SLC38A10: variants seen among roughly 807,000 people sequenced by gnomAD.
SLC38A10 encodes the protein solute carrier family 38 member 10.
In SLC38A10, 53 loss-of-function variants were observed where a neutral mutation model predicts 81.0. That is an observed-to-expected ratio of 0.65 (90% confidence interval 0.53 to 0.82). The LOEUF (loss-of-function observed/expected upper bound fraction) is 0.82, where lower values mean the gene tolerates loss of function less well. SLC38A10 is among the 40% of genes least tolerant of loss of function. The pLI is 0.00. For missense variants in SLC38A10, 1,471 were observed against 1,545.0 expected (o/e 0.95, Z 0.80); for synonymous variants, 665 against 655.3 (o/e 1.01, Z -0.23).
chr17:81,247,320 C>A (rs1256187162), intron 14 of SLC38A10: 2 of 365,754 alleles, frequency 5.5e-6, no homozygotes, highest in East Asian at 4.2e-5. Context: ...TCCCGCACAG[C>A]CAGCCACTGT....
chr17:81,284,698 G>T, intron 3 of SLC38A10, 152 bp downstream of exon 3: 1 of 578,844 alleles, frequency 1.7e-6, no homozygotes. Context: ...ACACTGAAGG[G>T]TACAAGTAAT....
chr17:81,248,825 AAGGAGATCAGGGC>A (rs563800029), intron 14 of SLC38A10, among the ~76,000 whole-genome samples: 1 of 152,260 alleles, frequency 6.6e-6, no homozygotes, highest in Non-Finnish European at 1.5e-5. Flanking sequence ...GGCTGGCTCC[AAGGAGATCAGGGC>A]CATGGGGCCG....
chr17:81,264,876 G>A (rs1211141244), intron 10 of SLC38A10: 1 of 152,182 alleles, frequency 6.6e-6, no homozygotes, highest in Non-Finnish European at 1.5e-5. Flanking sequence ...CCAAGAGCAG[G>A]GGCCAGCTTT....
intron 10 of SLC38A10, chr17:81,264,677 G>A (rs2063054685): frequency 6.6e-6 from 1 of 152,208 alleles, no homozygotes; most frequent in Non-Finnish European, 1.5e-5. Flanking sequence ...AGCACAGCTG[G>A]AGGTGGGGGC....
chr17:81,246,546 G>A lies in SLC38A10; in HGVS notation c.2370C>T (p.Gly790=), dbSNP rs1555625050. Reference sequence around the variant, plus strand: ...TAAGGTCCTGGGATGGAGCAGGGCGGCCCCCAGGAGCTCTGAGGACAGGGT... The same window carrying A: ...TAAGGTCCTGGGATGGAGCAGGGCGACCCCCAGGAGCTCTGAGGACAGGGT... ...PLDPVLRAPG[G]RPAPSQDLNQ... is the part of the protein sequence containing the mutation. The change falls in exon 16 of 16, where the codon GGC becomes GGT. Residue 790 remains glycine (G), a synonymous_variant. Transcript: ENST00000374759. The A allele has an allele frequency of 2.6e-6, 4 of 1,516,024 alleles. No individual in the cohort carries two copies. Among genetic ancestry groups the A allele is most frequent in the Non-Finnish European group, 3.5e-6 (4 of 1,133,906 alleles). The allele number at this position is 1,516,024 out of a possible 1,614,324, so 93.9% of individuals were successfully genotyped here. A position where few individuals can be genotyped will look rare whatever the true frequency, so the allele number is the denominator to read the frequency against.
In SLC38A10 at chr17:81,277,196, A is replaced by C; in HGVS notation, c.627-63T>G. The C allele has an allele frequency of 7.0e-7, 1 of 1,430,514 alleles. No individual in the cohort carries two copies. The highest frequency in any genetic ancestry group is 9.8e-7 in the Non-Finnish European group (1 of 1,019,614). 88.6% of individuals were successfully genotyped at this position (1,430,514 alleles called of 1,614,324 possible). On this transcript the variant is annotated intron_variant, in intron 6 of 15. Transcript: ENST00000374759. This position sits in a 1 kb window ranked among gnomAD's most constrained non-coding sequence, Gnocchi z 4.5. ...GAGGCACGCCCTCCCCAGCGGCTCC[A>C]CTTCTAGGACCTCTCTGCAGCCCAG...
Position 81,270,934 on chromosome 17 carries a change from T to A in SLC38A10, c.1115A>T (p.Asn372Ile). ...PALIYKKIHKNALSSQVVLWV... is the reference protein window; with the variant it reads ...PALIYKKIHKIALSSQVVLWV... ...AGCACGCACCTGGGAGGAAAGTGCGTTCTTGTGGATTTTCTTGTAGATCAG... is the reference window on the plus strand; with the variant it reads ...AGCACGCACCTGGGAGGAAAGTGCGATCTTGTGGATTTTCTTGTAGATCAG... Residue 372 changes from asparagine to isoleucine, a missense_variant, in exon 10 of 16, where the codon AAC becomes ATC. Physicochemically the swap from Asn to Ile is moderately radical, Grantham distance 149. Coordinates refer to ENST00000374759, the MANE Select transcript of SLC38A10 (RefSeq NM_001037984.3). The surrounding 1 kb of genome is among the most constrained non-coding windows in gnomAD (Gnocchi z 4.0). 4 of 1,613,816 alleles carry A rather than the reference T, an allele frequency of 2.5e-6. No homozygotes were observed. Among genetic ancestry groups the A allele is most frequent in the Non-Finnish European group, 3.4e-6 (4 of 1,179,944 alleles).
At chr17:81,258,264 C>T (rs2062990462) in intron 11 of SLC38A10, among the ~76,000 whole-genome samples, 1 of 152,190 alleles carries the variant, frequency 6.6e-6, no homozygotes, top group South Asian at 2.1e-4. Context: ...GGTGCAGGAC[C>T]CTCGACCCCA....
chr17:81,260,747 A>C (rs2063015335), intron 10 of SLC38A10, among the ~76,000 whole-genome samples: 1 of 152,194 alleles, frequency 6.6e-6, no homozygotes, highest in African/African-American at 2.4e-5. Context: ...TATGCCAGCC[A>C]TTCAGGACGG....
chr17:81,246,594 C>T lies in SLC38A10; in HGVS notation c.2322G>A (p.Glu774=). The change falls in exon 16 of 16, where the codon GAG becomes GAA. Residue 774 remains glutamate, a synonymous_variant. Coordinates refer to ENST00000374759, the MANE Select transcript of SLC38A10 (RefSeq NM_001037984.3). ...APEGKARETV[E]NLPPLPLDPV... is the part of the protein sequence containing the mutation. ...GGTCCAAAGGCAGGGGAGGCAGATT[C>T]TCCACCGTCTCCCTGGCCTTGCCTT... 6.6e-7 allele frequency: 1 copy of T among 1,516,812 alleles called. No individual in the cohort carries two copies. The allele number at this position is 1,516,812 out of a possible 1,614,324, so 94.0% of individuals were successfully genotyped here. A position where few individuals can be genotyped will look rare whatever the true frequency, so the allele number is the denominator to read the frequency against.
rs562127021 is a variant in SLC38A10, at chr17:81,288,323, G to C, written c.217+1368C>G. Among the ~76,000 whole-genome samples, 24 of 152,314 alleles carry C rather than the reference G, an allele frequency of 1.6e-4. 1 individual carries two copies. Among genetic ancestry groups the C allele is most frequent in the Middle Eastern group, 3.4e-3 (1 of 294 alleles). ...ACTCTGCCGCGGGAGCTGTGAGCCC[G>C]GGGGGCAGGATGGCCTTCTGCAGGG... On this transcript the variant is annotated intron_variant, in intron 2 of 15. Coordinates refer to ENST00000374759, the MANE Select transcript of SLC38A10 (RefSeq NM_001037984.3). This position sits in a 1 kb window ranked among gnomAD's most constrained non-coding sequence, Gnocchi z 5.4.
At chr17:81,255,748 C>A (rs1471749805) in intron 11 of SLC38A10, among the ~76,000 whole-genome samples, 1 of 152,218 alleles carries the variant, frequency 6.6e-6, no homozygotes, top group East Asian at 1.9e-4. Context: ...GTAATCCCAG[C>A]ACTTTGAGAG....
intron 6 of SLC38A10, among the ~76,000 whole-genome samples, chr17:81,279,297 T>C (rs1223038703): frequency 6.6e-6 from 1 of 152,160 alleles, no homozygotes; most frequent in Non-Finnish European, 1.5e-5. Context: ...GGCCAGATAG[T>C]GAAGGCACAA....
rs2063161279 is a variant in SLC38A10, at chr17:81,276,234, G to A, written c.730-83C>T. 7.5e-7 allele frequency: 1 copy of A among 1,325,554 alleles called. No individual in the cohort carries two copies. The highest frequency in any genetic ancestry group is 1.0e-6 in the Non-Finnish European group (1 of 981,522). 82.1% of individuals were successfully genotyped at this position (1,325,554 alleles called of 1,614,324 possible). On this transcript the variant is annotated intron_variant, in intron 7 of 15. Coordinates refer to ENST00000374759, the MANE Select transcript of SLC38A10 (RefSeq NM_001037984.3). This position sits in a 1 kb window ranked among gnomAD's most constrained non-coding sequence, Gnocchi z 4.7. ...TGTCACAGTGGGCAGGGCATGGGGG[G>A]GACCTGTGCCCTGCCCCCCAGAATG...
rs747489117 is a variant in SLC38A10, at chr17:81,253,024, G to A, written c.1456+49C>T. On this transcript the variant is annotated intron_variant, in intron 12 of 15. Coordinates refer to ENST00000374759, the MANE Select transcript of SLC38A10 (RefSeq NM_001037984.3). The surrounding 1 kb of genome is among the most constrained non-coding windows in gnomAD (Gnocchi z 4.1). ...GCAGGGTGTCCAGCCTGCAAAGGAG[G>A]ACCCGGGGCCGCCCTTCCCCATCCG... 3.1e-6 allele frequency: 5 copies of A among 1,594,854 alleles called. No homozygotes were observed. In the South Asian group the frequency reaches 4.4e-5, roughly 14 times the overall value.
intron 9 of SLC38A10, among the ~76,000 whole-genome samples, chr17:81,272,291 C>T (rs1039673741): frequency 6.6e-6 from 1 of 152,150 alleles, no homozygotes; most frequent in Non-Finnish European, 1.5e-5. Context: ...CTCAACCTCC[C>T]AAAGTGCTGG....
intron 14 of SLC38A10, chr17:81,247,603 A>G (rs1195100502): frequency 6.6e-6 from 1 of 151,854 alleles, no homozygotes; most frequent in African/African-American, 2.4e-5. Context: ...AGGCAGGCAG[A>G]TCGCTTGAGC....
chr17:81,249,936 G>T, intron 14 of SLC38A10: 1 of 711,942 alleles, frequency 1.4e-6, no homozygotes, highest in Non-Finnish European at 2.0e-6. Flanking sequence ...CTGGGTGCGT[G>T]CGCAGGTCTG....
chr17:81,258,911 C>G (rs556144534), intron 11 of SLC38A10, among the ~76,000 whole-genome samples: 1 of 152,392 alleles, frequency 6.6e-6, no homozygotes, highest in Admixed American at 6.5e-5. Context: ...GCCCCGCCAG[C>G]TGCACGGAAC....
Sources: gnomAD v4.1 joint callset for allele counts (sites outside exome capture counted in the v4.1 genomes callset) on GRCh38, gnomAD v4.1.1 for gene constraint, Gnocchi (gnomAD v3.1) non-coding constraint, MANE v1.5 for transcripts, NCBI Gene and HGNC (gene_info 2026-07-23, HGNC 2026-07-21) for gene names.